Variants in DNAH10 observed in about 807,000 individuals in gnomAD.
DNAH10 encodes the protein dynein axonemal heavy chain 10.
In DNAH10, 348 loss-of-function variants were observed where a neutral mutation model predicts 506.6. The observed-to-expected ratio is 0.69, with a 90% CI of 0.63 to 0.75. DNAH10 has a LOEUF of 0.75. Among genes scored for constraint, DNAH10 ranks in the 30% least tolerant of loss-of-function variants. DNAH10 has a pLI of 0.00. For synonymous variants in DNAH10, 2,059 were observed against 2,198.6 expected (o/e 0.94, Z 1.78); for missense variants, 5,179 against 5,787.1 (o/e 0.89, Z 3.41).
chr12:123,787,288 A>G lies in DNAH10; in HGVS notation c.1422-516A>G, dbSNP rs1194254670. ...TATGTCTATCTATGTATATGTATTTATATAGATAGCATATAAATGGAATCA... is the reference window on the plus strand; with the variant it reads ...TATGTCTATCTATGTATATGTATTTGTATAGATAGCATATAAATGGAATCA... On this transcript the variant is annotated intron_variant, in intron 9 of 78. Coordinates refer to ENST00000673944, the MANE Select transcript of DNAH10 (RefSeq NM_001372106.1). The surrounding 1 kb of genome is among the most constrained non-coding windows in gnomAD (Gnocchi z 4.6). Among the ~76,000 whole-genome samples, 1 of 152,156 alleles carries G rather than the reference A, an allele frequency of 6.6e-6. No individual in the cohort carries two copies. Among genetic ancestry groups the G allele is most frequent in the Admixed American group, 6.5e-5 (1 of 15,276 alleles).
intron 5 of DNAH10, among the ~76,000 whole-genome samples, chr12:123,778,515 C>T (rs1321936485): frequency 6.6e-6 from 1 of 151,766 alleles, no homozygotes; most frequent in South Asian, 2.1e-4. Context: ...ATCAATATGG[C>T]GAAACCTCCA....
Position 123,783,955 on chromosome 12 carries a change from C to G in DNAH10, c.1008C>G (p.Gly336=). ...AQLKKTPQGK[G]PLAEIEFWRE... ...TTCATTTCACCTCTCAGGGTAAAGG[C>G]CCTCTGGCTGAAATTGAATTCTGGA... Residue 336 remains glycine (G), a synonymous_variant, in exon 8 of 79, where the codon GGC becomes GGG. Transcript: ENST00000673944. The G allele has an allele frequency of 6.2e-7, 1 of 1,614,090 alleles. No individual in the cohort carries two copies. Among genetic ancestry groups the G allele is most frequent in the Non-Finnish European group, 8.5e-7 (1 of 1,179,956 alleles).
intron 51 of DNAH10, among the ~76,000 whole-genome samples, chr12:123,885,155 T>C (rs1218386295): frequency 6.6e-6 from 1 of 152,204 alleles, no homozygotes; most frequent in Non-Finnish European, 1.5e-5. Flanking sequence ...CATGGCAAAG[T>C]CAAAAAGTTC....
chr12:123,793,816 G>A, intron 11 of DNAH10, 126 bp from the exon 12 acceptor site: 1 of 696,334 alleles, frequency 1.4e-6, no homozygotes, highest in South Asian at 2.9e-5. Context: ...TTGGATACCA[G>A]TTTCCATTAC....
At chr12:123,821,236 G>A (rs778046521) in intron 24 of DNAH10, among the ~76,000 whole-genome samples, 2 of 151,418 alleles carry the variant, frequency 1.3e-5, no homozygotes, top group Non-Finnish European at 2.9e-5. Flanking sequence ...GGCGACAAGA[G>A]CGAAACTCCA....
At chr12:123,805,810 T>A (rs1478638556) in intron 18 of DNAH10, among the ~76,000 whole-genome samples, 2 of 149,690 alleles carry the variant, frequency 1.3e-5, no homozygotes, top group Non-Finnish European at 3.0e-5. Flanking sequence ...AGAGTCTCGC[T>A]CTGTCGCCCA....
intron 25 of DNAH10, among the ~76,000 whole-genome samples, chr12:123,827,237 G>A (rs1373564502): frequency 2.0e-5 from 3 of 152,154 alleles, no homozygotes; most frequent in African/African-American, 7.2e-5. Context: ...GTAATTTACA[G>A]TTTTTTAGCT....
intron 18 of DNAH10, 58 bp downstream of exon 18, chr12:123,805,098 A>T (rs1273587243): frequency 6.4e-7 from 1 of 1,559,180 alleles, no homozygotes; most frequent in Non-Finnish European, 8.8e-7. Flanking sequence ...ACAGTTGACA[A>T]ATATGGACAG....
At chr12:123,842,260 G>A (rs951074457) in intron 30 of DNAH10, among the ~76,000 whole-genome samples, 1 of 152,186 alleles carries the variant, frequency 6.6e-6, no homozygotes, top group Non-Finnish European at 1.5e-5. Flanking sequence ...GGCGTTTAGT[G>A]GGATTATGTG....
chr12:123,856,023 A>G (rs1951372985), intron 36 of DNAH10, among the ~76,000 whole-genome samples: 1 of 148,356 alleles, frequency 6.7e-6, no homozygotes, highest in African/African-American at 2.5e-5. Flanking sequence ...TATTATTTAT[A>G]TGATCATTAT....
rs1328787895 is a variant in DNAH10 at position 123,931,683 on chromosome 12, G to A, written c.12964G>A (p.Ala4322Thr). The change falls in exon 75 of 79, where the codon GCC becomes ACC. Residue 4322 changes from alanine to threonine, a missense_variant. Ala to Thr is a moderately conservative substitution (Grantham distance 58, BLOSUM62 0). Around this residue, in one of 3 missense-constraint regions of DNAH10, gnomAD observed 4,844 missense variants for 5,430.5 expected, o/e 0.89. Transcript: ENST00000673944. ...CCGCGATGATTATATTGGCCAAGTG[G>A]CCAAAGAAATAGAAAACAAGATGCC... is the stretch of plus-strand genomic sequence containing the variant. ...ISRDDYIGQVAKEIENKMPKV... is the reference protein window; with the variant it reads ...ISRDDYIGQVTKEIENKMPKV... 3.7e-6 allele frequency: 6 copies of A among 1,614,012 alleles called. No individual in the cohort carries two copies.
Position 123,819,002 on chromosome 12 carries a change from A to G in DNAH10, c.3833A>G (p.Asn1278Ser), listed in dbSNP as rs753200752. The change falls in exon 22 of 79, where the codon AAT (asparagine) becomes AGT (serine). Residue 1278 changes from asparagine to serine, a missense_variant. Physicochemically the swap from Asn to Ser is conservative, Grantham distance 46. Coordinates refer to ENST00000673944, the MANE Select transcript of DNAH10 (RefSeq NM_001372106.1). ...GATAAGATTGAGAGCATATGGTCCA[A>G]TCTGTTTAATGATTCAGTGAATGTG... is the stretch of plus-strand genomic sequence containing the variant. ...LVDKIESIWS[N>S]LFNDSVNVEH... The G allele has an allele frequency of 3.1e-6, 5 of 1,608,458 alleles. No homozygotes were observed. Among genetic ancestry groups the G allele is most frequent in the Non-Finnish European group, 4.2e-6 (5 of 1,177,476 alleles).
chr12:123,890,663 A>G (rs10773046), intron 52 of DNAH10, among the ~76,000 whole-genome samples: 69,880 of 151,962 alleles, frequency 0.46, 16,235 homozygotes, highest in African/African-American at 0.5. Flanking sequence ...GGAGAGGGGC[A>G]TCCAGTTTGG....
chr12:123,865,177 C>T (rs1403416759), intron 40 of DNAH10, among the ~76,000 whole-genome samples: 1 of 152,160 alleles, frequency 6.6e-6, no homozygotes, highest in Non-Finnish European at 1.5e-5. Flanking sequence ...ATTACATTTA[C>T]TTTCTTTTAG....
intron 56 of DNAH10, 67 bp downstream of exon 56, chr12:123,898,881 C>G: frequency 6.7e-7 from 1 of 1,498,972 alleles, no homozygotes; most frequent in Non-Finnish European, 8.9e-7. Flanking sequence ...TGAGTGAGGG[C>G]GGGGCCAGGG....
Position 123,838,514 on chromosome 12 carries a change from G to A in DNAH10, c.4961G>A (p.Arg1654His), listed in dbSNP as rs1463449487. The A allele has an allele frequency of 2.5e-6, 4 of 1,614,006 alleles. No individual in the cohort carries two copies. The highest frequency in any genetic ancestry group is 2.5e-6 in the Non-Finnish European group (3 of 1,179,896). The change falls in exon 29 of 79, where the codon CGC (arginine) becomes CAC (histidine). Residue 1654 changes from arginine (R) to histidine (H), a missense_variant. Physicochemically the swap from Arg to His is conservative, Grantham distance 29 (BLOSUM62 0). Transcript: ENST00000673944. ...AAGAGGTGCTGTGAAGCCCCAAACC[G>A]CCTCAGTGACCTACAGAACGTCAGC... ...VIKRCCEAPN[R>H]LSDLQNVSEG...
intron 26 of DNAH10, 94 bp downstream of exon 26, chr12:123,830,793 AAAT>A (rs1960463530): frequency 5.0e-4 from 642 of 1,273,994 alleles, no homozygotes; most frequent in South Asian, 7.0e-4. Context: ...AAAAAAAAAA[AAAT>A]TAGCTGAGCG....
chr12:123,878,148 C>T (rs1452246374), intron 48 of DNAH10, among the ~76,000 whole-genome samples: 1 of 152,180 alleles, frequency 6.6e-6, no homozygotes, highest in East Asian at 1.9e-4. Flanking sequence ...CTATCACACC[C>T]CTTGGGCAGG....
At chr12:123,890,866 C>T (rs1468608668) in intron 52 of DNAH10, among the ~76,000 whole-genome samples, 1 of 152,140 alleles carries the variant, frequency 6.6e-6, no homozygotes, top group African/African-American at 2.4e-5. Flanking sequence ...GTGATCAGTG[C>T]TTCCATTTGC....
Sources: gnomAD v4.1 joint callset for allele counts (sites outside exome capture counted in the v4.1 genomes callset) on GRCh38, gnomAD v4.1.1 for gene constraint, gnomAD v4.1.1 regional missense constraint, Gnocchi (gnomAD v3.1) non-coding constraint, MANE v1.5 for transcripts, NCBI Gene and HGNC (gene_info 2026-07-23, HGNC 2026-07-21) for gene names.